AKAP6: variants seen among roughly 807,000 people sequenced by gnomAD.
The protein encoded by AKAP6 is A-kinase anchoring protein 6, also known as A-kinase anchor protein 6.
AKAP6 carries 58 observed loss-of-function variants against 188.5 expected under a neutral mutation model. The ratio of observed to expected loss-of-function variants is 0.31; its 90% confidence interval spans 0.25 to 0.38. The LOEUF is 0.38. Ranked by LOEUF, AKAP6 falls within the 10% of genes least tolerant of loss-of-function variation. The pLI is 1.00. For synonymous variants in AKAP6, 989 were observed against 998.6 expected (o/e 0.99, Z 0.18); for missense variants, 2,710 against 2,740.0 (o/e 0.99, Z 0.24).
intron 10 of AKAP6, among the ~76,000 whole-genome samples, chr14:32,734,785 A>G (rs2031336807): frequency 6.6e-6 from 1 of 152,130 alleles, no homozygotes; most frequent in South Asian, 2.1e-4. Context: ...TAAAGATACT[A>G]TTTACAGAAC....
intron 1 of AKAP6, among the ~76,000 whole-genome samples, chr14:32,420,523 A>AT (rs1283266843): frequency 1.3e-5 from 2 of 151,996 alleles, no homozygotes; most frequent in Non-Finnish European, 2.9e-5. Flanking sequence ...TTTTTGTTCT[A>AT]TTTTTCCAAC....
chr14:32,747,591 A>C (rs1453556833), intron 11 of AKAP6, among the ~76,000 whole-genome samples: 1 of 152,206 alleles, frequency 6.6e-6, no homozygotes, highest in Non-Finnish European at 1.5e-5. Flanking sequence ...CCCGTCACCT[A>C]ACACTTCTTT....
chr14:32,797,009 A>C (rs2033789808), intron 12 of AKAP6, among the ~76,000 whole-genome samples: 2 of 152,204 alleles, frequency 1.3e-5, no homozygotes, highest in Non-Finnish European at 2.9e-5. Context: ...ACATACATGC[A>C]GTGAACTAAT....
chr14:32,358,499 C>T (rs924897182), intron 1 of AKAP6, among the ~76,000 whole-genome samples: 2 of 151,834 alleles, frequency 1.3e-5, no homozygotes, highest in Admixed American at 1.3e-4. Context: ...GTTTTTTTCC[C>T]AGTTTGGTTT....
chr14:32,794,263 C>G (rs1025836841), intron 12 of AKAP6, among the ~76,000 whole-genome samples: 4 of 152,030 alleles, frequency 2.6e-5, no homozygotes, highest in African/African-American at 7.2e-5. Flanking sequence ...AGGCAGAAAT[C>G]AAGAAGTTAT....
intron 11 of AKAP6, among the ~76,000 whole-genome samples, chr14:32,747,733 G>A (rs1322294586): frequency 6.6e-6 from 1 of 152,170 alleles, no homozygotes; most frequent in African/African-American, 2.4e-5. Flanking sequence ...AGGGTGGTGG[G>A]AAAACCCACA....
chr14:32,610,263 C>A (rs1886300052), intron 7 of AKAP6, among the ~76,000 whole-genome samples: 1 of 152,118 alleles, frequency 6.6e-6, no homozygotes, highest in Non-Finnish European at 1.5e-5. Flanking sequence ...AACTTCTTAG[C>A]CCATCATTTG....
intron 2 of AKAP6, among the ~76,000 whole-genome samples, chr14:32,505,962 G>A (rs889828083): frequency 6.6e-6 from 1 of 152,028 alleles, no homozygotes; most frequent in Non-Finnish European, 1.5e-5. Context: ...GCAGGGTTAA[G>A]CTGGGTATTA....
intron 2 of AKAP6, among the ~76,000 whole-genome samples, chr14:32,523,928 G>A (rs1230608424): frequency 6.6e-6 from 1 of 152,128 alleles, no homozygotes. Context: ...AGGCTGGATT[G>A]CTTCATGTGG....
intron 11 of AKAP6, among the ~76,000 whole-genome samples, chr14:32,745,079 C>G (rs936542378): frequency 1.3e-5 from 2 of 152,138 alleles, no homozygotes; most frequent in African/African-American, 2.4e-5. Flanking sequence ...TCACATATCT[C>G]TGTTTCTCCT....
At chr14:32,464,681 G>T (rs552746708) in intron 2 of AKAP6, among the ~76,000 whole-genome samples, 11 of 152,158 alleles carry the variant, frequency 7.2e-5, no homozygotes, top group Admixed American at 2.0e-4. Context: ...TTTGAAAACC[G>T]GCACAAGACA....
intron 1 of AKAP6, among the ~76,000 whole-genome samples, chr14:32,398,358 A>G (rs1888947275): frequency 6.6e-6 from 1 of 152,196 alleles, no homozygotes; most frequent in African/African-American, 2.4e-5. Context: ...ATTTACCTTG[A>G]GGCAGGGTCA....
chr14:32,476,039 C>G (rs994672964), intron 2 of AKAP6, among the ~76,000 whole-genome samples: 1 of 152,024 alleles, frequency 6.6e-6, no homozygotes, highest in Non-Finnish European at 1.5e-5. Context: ...ACTAGCAGTA[C>G]TTGTATAATA....
chr14:32,687,426 CTCTCTCTCTCTCTCTT>C (rs1214172110), intron 8 of AKAP6, among the ~76,000 whole-genome samples: 53 of 144,008 alleles, frequency 3.7e-4, no homozygotes, highest in East Asian at 1.8e-3. Context: ...CTCTCTCTCT[CTCTCTCTCTCTCTCTT>C]TCTCTCTTTC....
chr14:32,679,222 A>G (rs1594839840), intron 8 of AKAP6, among the ~76,000 whole-genome samples: 1 of 152,094 alleles, frequency 6.6e-6, no homozygotes, highest in Non-Finnish European at 1.5e-5. Context: ...AAAAGTGTAT[A>G]TATTTTTTCT....
At chr14:32,628,495 G>T (rs1244504494) in intron 7 of AKAP6, among the ~76,000 whole-genome samples, 1 of 152,018 alleles carries the variant, frequency 6.6e-6, no homozygotes, top group African/African-American at 2.4e-5. Context: ...TTAGGGCTGG[G>T]TGAAAGATTT....
chr14:32,579,527 G>A (rs1312635850), intron 5 of AKAP6, among the ~76,000 whole-genome samples: 2 of 152,094 alleles, frequency 1.3e-5, no homozygotes, highest in Non-Finnish European at 2.9e-5. Flanking sequence ...GAATAATAAT[G>A]TCTAACAGTT....
At chr14:32,789,158 G>A (rs532103149) in intron 12 of AKAP6, among the ~76,000 whole-genome samples, 1 of 152,258 alleles carries the variant, frequency 6.6e-6, no homozygotes, top group Admixed American at 6.5e-5. Flanking sequence ...TCCTCACAGG[G>A]TGGGATCTCC....
At chr14:32,728,032 G>C (rs892822773) in intron 9 of AKAP6, among the ~76,000 whole-genome samples, 2 of 152,076 alleles carry the variant, frequency 1.3e-5, no homozygotes, top group Non-Finnish European at 2.9e-5. Flanking sequence ...CCTGCACTCC[G>C]CATGGACAGC....
Sources: allele counts gnomAD v4.1 joint callset (sites outside exome capture counted in the v4.1 genomes callset), GRCh38; gene constraint gnomAD v4.1.1; transcripts MANE v1.5; gene names NCBI Gene and HGNC (gene_info 2026-07-23, HGNC 2026-07-21).